FANCA: variants seen among roughly 807,000 people sequenced by gnomAD.
FANCA encodes the protein FA complementation group A, also known as Fanconi anemia group A protein.
FANCA carries 236 observed loss-of-function variants against 194.3 expected under a neutral mutation model. The ratio of observed to expected loss-of-function variants is 1.21; its 90% confidence interval spans 1.09 to 1.35. FANCA has a LOEUF of 1.35. Among genes scored for constraint, FANCA ranks in the 40% most tolerant of loss-of-function variants. FANCA has a pLI of 0.00. For synonymous variants in FANCA, 1,014 were observed against 715.8 expected, an observed-to-expected ratio of 1.42 and a Z score of -6.65; for missense variants, 2,628 against 1,813.9, an observed-to-expected ratio of 1.45 and a Z score of -8.15.
intron 40 of FANCA, 49 bp downstream of exon 40, chr16:89,739,429 G>A: frequency 6.4e-7 from 1 of 1,552,560 alleles, no homozygotes; most frequent in Non-Finnish European, 8.7e-7. Flanking sequence ...CTGAGATGGG[G>A]GTCTGGGAAA....
chr16:89,754,528 G>A (rs925959970), intron 30 of FANCA, among the ~76,000 whole-genome samples: 1 of 151,960 alleles, frequency 6.6e-6, no homozygotes, highest in Non-Finnish European at 1.5e-5. Flanking sequence ...CCACCACGAT[G>A]CCCGGCTAAT....
intron 7 of FANCA, among the ~76,000 whole-genome samples, chr16:89,804,607 T>C (rs1464599239): frequency 6.6e-6 from 1 of 152,056 alleles, no homozygotes; most frequent in Non-Finnish European, 1.5e-5. Flanking sequence ...TGGACTCTGG[T>C]CCAAGCCATC....
chr16:89,741,152 G>A (rs568561603), intron 37 of FANCA, among the ~76,000 whole-genome samples: 55 of 152,314 alleles, frequency 3.6e-4, no homozygotes, highest in African/African-American at 1.2e-3. Flanking sequence ...TTGGCTGTGC[G>A]CAGTCCCAAC....
At chr16:89,808,518 G>T in intron 5 of FANCA, 151 bp from the exon 6 acceptor site, 2 of 787,206 alleles carry the variant, frequency 2.5e-6, no homozygotes, top group South Asian at 3.1e-5. Context: ...CTTAGAGCCT[G>T]AAACACATCT....
At chr16:89,769,808 G>C in intron 26 of FANCA, 29 bp downstream of exon 26, 3 of 1,612,540 alleles carry the variant, frequency 1.9e-6, no homozygotes, top group Non-Finnish European at 2.5e-6. Context: ...AGAGAGGAGA[G>C]AAGACGCGAC....
chr16:89,770,993 T>G (rs1206309905), intron 23 of FANCA, among the ~76,000 whole-genome samples: 1 of 152,032 alleles, frequency 6.6e-6, no homozygotes, highest in African/African-American at 2.4e-5. Context: ...GATGAAACCC[T>G]GTCTTTACTA....
chr16:89,738,813 G>C, intron 42 of FANCA, 69 bp downstream of exon 42: 1 of 1,613,906 alleles, frequency 6.2e-7, no homozygotes, highest in Non-Finnish European at 8.5e-7. Context: ...AGCCAGGCAG[G>C]CACATGGCCC....
intron 14 of FANCA, among the ~76,000 whole-genome samples, 179 bp from the exon 15 acceptor site, chr16:89,785,143 C>T (rs2039855096): frequency 6.6e-6 from 1 of 152,160 alleles, no homozygotes. Flanking sequence ...GTCCGGGCGG[C>T]TGCTGTAGTC....
rs1020596940 is a variant in FANCA, at chr16:89,783,367, G to A, written c.1471-265C>T. ...AGATGGAGACCATCCTGGCTAACATGGTGAAACCCTGTCTCTACTAAAAAT... is the reference window on the plus strand; with the variant it reads ...AGATGGAGACCATCCTGGCTAACATAGTGAAACCCTGTCTCTACTAAAAAT... On this transcript the variant is annotated intron_variant, in intron 15 of 42. Coordinates refer to ENST00000389301, the MANE Select transcript of FANCA (RefSeq NM_000135.4). 4.6e-5 allele frequency among the ~76,000 whole-genome samples: 7 copies of A among 151,920 alleles called. No homozygotes were observed. In the South Asian group the frequency reaches 1.0e-3, roughly 23 times the overall value.
chr16:89,762,147 T>C (rs906626271), intron 28 of FANCA, 125 bp from the exon 29 acceptor site: 6 of 789,606 alleles, frequency 7.6e-6, no homozygotes, highest in South Asian at 6.9e-5. Context: ...TATAATGAAA[T>C]TGCAGCTGAG....
chr16:89,807,221 G>C (rs1159823797), intron 6 of FANCA, among the ~76,000 whole-genome samples: 1 of 144,906 alleles, frequency 6.9e-6, no homozygotes, highest in Non-Finnish European at 1.5e-5. Flanking sequence ...TTCTGCTCTA[G>C]GCCGAGGCGG....
At chr16:89,765,768 G>T (rs1231245130) in intron 27 of FANCA, among the ~76,000 whole-genome samples, 1 of 152,208 alleles carries the variant, frequency 6.6e-6, no homozygotes, top group Non-Finnish European at 1.5e-5. Context: ...ATGCTGGGTG[G>T]GAACCACGCT....
chr16:89,739,231 C>G lies in FANCA; in HGVS notation c.4069G>C (p.Ala1357Pro), dbSNP rs1456500627. 1 of 1,614,172 alleles carries G rather than the reference C, an allele frequency of 6.2e-7. No homozygotes were observed. Among genetic ancestry groups the G allele is most frequent in the Non-Finnish European group, 8.5e-7 (1 of 1,180,032 alleles). The change falls in exon 41 of 43, where the codon GCT becomes CCT. Residue 1357 changes from alanine to proline, a missense_variant. Coordinates refer to ENST00000389301, the MANE Select transcript of FANCA (RefSeq NM_000135.4). ...AIREEAFLHV[A>P]VDMYLKLVQL... The stretch of plus-strand genomic sequence containing the variant: ...ACCAGCTTCAAGTACATGTCCACAG[C>G]AACATGCAGGAAGGCCTCTTCCCTG...
chr16:89,806,080 T>A (rs1034911767), intron 6 of FANCA, among the ~76,000 whole-genome samples: 1 of 152,158 alleles, frequency 6.6e-6, no homozygotes, highest in Admixed American at 6.6e-5. Context: ...GCCCAGCTAA[T>A]TTTTGTAATT....
chr16:89,815,419 G>C lies in FANCA; in HGVS notation c.189+458C>G, dbSNP rs921344601. ...ACTGGATTGCAAGGGGCGTGATCTC[G>C]GCTCACTGCAATTTCTGCCTCCCGG... On this transcript the variant is annotated intron_variant, in intron 2 of 42. Coordinates refer to ENST00000389301, the MANE Select transcript of FANCA (RefSeq NM_000135.4). Among the ~76,000 whole-genome samples the C allele has an allele frequency of 6.7e-5, 9 of 134,082 alleles. No individual in the cohort carries two copies. In the Admixed American group the frequency reaches 7.2e-4, roughly 11 times the overall value. 88.0% of individuals were successfully genotyped at this position (134,082 alleles called of 152,430 possible).
intron 10 of FANCA, chr16:89,798,308 G>A (rs766165398): frequency 1.8e-4 from 181 of 1,013,316 alleles, no homozygotes; most frequent in Non-Finnish European, 2.1e-4. Context: ...CGCAGTCTCT[G>A]GCACTTTGTT....
At position 89,778,104 on chromosome 16, in the gene FANCA, G is replaced by C. The variant is rs1407166357; in HGVS notation, c.1826+697C>G. 4.1e-5 allele frequency among the ~76,000 whole-genome samples: 6 copies of C among 146,496 alleles called. No homozygotes were observed. In the East Asian group the frequency reaches 1.0e-3, roughly 25 times the overall value. ...TTGAACCCAGGAGGTGGAGGGTGCA[G>C]TGAGCCAAGATCGCACCACTGCACT... is the stretch of plus-strand genomic sequence containing the variant. On this transcript the variant is annotated intron_variant, in intron 20 of 42. Transcript: ENST00000389301.
At chr16:89,746,279 C>G (rs2038384594) in intron 35 of FANCA, among the ~76,000 whole-genome samples, 1 of 152,204 alleles carries the variant, frequency 6.6e-6, no homozygotes, top group African/African-American at 2.4e-5. Context: ...AGACCGTGAA[C>G]AAACAAGCCC....
rs1264976469 is a variant in FANCA, at chr16:89,739,113, G to T, written c.4167+20C>A. 2 of 1,614,012 alleles carry T rather than the reference G, an allele frequency of 1.2e-6. No homozygotes were observed. Among genetic ancestry groups the T allele is most frequent in the Non-Finnish European group, 1.7e-6 (2 of 1,179,948 alleles). ...GCTGGGGGGAGCTCCCCTGGAGGTGGGACTGGCCCTTGCACCTGCCTGACC... is the reference window on the plus strand; with the variant it reads ...GCTGGGGGGAGCTCCCCTGGAGGTGTGACTGGCCCTTGCACCTGCCTGACC... On this transcript the variant is annotated intron_variant, in intron 41 of 42. Transcript: ENST00000389301.
Sources: allele counts gnomAD v4.1 joint callset (sites outside exome capture counted in the v4.1 genomes callset), GRCh38; gene constraint gnomAD v4.1.1; transcripts MANE v1.5; gene names NCBI Gene and HGNC (gene_info 2026-07-23, HGNC 2026-07-21).